Variants in ARHGEF3 observed in about 807,000 individuals in gnomAD.
ARHGEF3 encodes 59.8 kDA protein.
ARHGEF3 carries 28 observed loss-of-function variants against 63.2 expected under a neutral mutation model. That is an observed-to-expected ratio of 0.44 (90% CI 0.33 to 0.61). The LOEUF is 0.61. Among genes scored for constraint, ARHGEF3 ranks in the 20% least tolerant of loss-of-function variants. The pLI is 0.03. For synonymous variants in ARHGEF3, 266 were observed against 254.2 expected, an observed-to-expected ratio of 1.05 and a Z score of -0.44; for missense variants, 533 against 659.3, an observed-to-expected ratio of 0.81 and a Z score of 2.10.
upstream of ARHGEF3, among the ~76,000 whole-genome samples, chr3:56,806,846 T>TTG (rs34387601): frequency 0.42 from 64,253 of 151,914 alleles, 17,155 homozygotes; most frequent in Non-Finnish European, 0.57. Flanking sequence ...GGACAATGCT[T>TTG]TGTCCTATTA....
At chr3:57,053,266 G>A (rs1704754147) in intron 1 of ARHGEF3, among the ~76,000 whole-genome samples, 1 of 152,144 alleles carries the variant, frequency 6.6e-6, no homozygotes, top group Non-Finnish European at 1.5e-5. Flanking sequence ...AGCGCTCACT[G>A]CCAAAGGACA....
chr3:56,998,125 C>A (rs1333725713), intron 2 of ARHGEF3, among the ~76,000 whole-genome samples: 2 of 152,182 alleles, frequency 1.3e-5, no homozygotes, highest in Admixed American at 1.3e-4. Context: ...CTTCCCAGTG[C>A]CAAATTTTTA....
intron 2 of ARHGEF3, among the ~76,000 whole-genome samples, chr3:56,991,739 C>T (rs1350669914): frequency 3.3e-5 from 5 of 152,056 alleles, no homozygotes; most frequent in Admixed American, 6.6e-5. Context: ...CTCCGCCTCC[C>T]GAGTAGCTGG....
At chr3:56,893,182 AT>A (rs2041181394) in intron 3 of ARHGEF3, among the ~76,000 whole-genome samples, 1 of 151,372 alleles carries the variant, frequency 6.6e-6, no homozygotes, top group Admixed American at 6.6e-5. Flanking sequence ...TTTTTATTTT[AT>A]TTTATTTTTT....
intron 4 of ARHGEF3, among the ~76,000 whole-genome samples, chr3:56,863,984 G>C (rs1244234579): frequency 6.6e-6 from 1 of 152,122 alleles, no homozygotes; most frequent in African/African-American, 2.4e-5. Context: ...CTCAAGACCA[G>C]GCAGTAAAGA....
intron 3 of ARHGEF3, among the ~76,000 whole-genome samples, chr3:56,920,011 G>A (rs998326215): frequency 6.6e-6 from 1 of 152,092 alleles, no homozygotes; most frequent in African/African-American, 2.4e-5. Context: ...GAGAAGGATC[G>A]CTAACAATGG....
At chr3:57,065,160 AT>A (rs1460548317) in intron 1 of ARHGEF3, among the ~76,000 whole-genome samples, 43 of 152,194 alleles carry the variant, frequency 2.8e-4, no homozygotes, top group Non-Finnish European at 5.7e-4. Context: ...AAATGTTGAA[AT>A]TACTTGCAAA....
At chr3:56,825,493 C>T (rs1346479958) in intron 4 of ARHGEF3, among the ~76,000 whole-genome samples, 1 of 152,196 alleles carries the variant, frequency 6.6e-6, no homozygotes, top group East Asian at 1.9e-4. Context: ...ATGCCAATTA[C>T]ATGATGATAG....
intron 2 of ARHGEF3, among the ~76,000 whole-genome samples, chr3:57,016,472 C>CGG (rs1240829459): frequency 6.6e-6 from 1 of 151,918 alleles, no homozygotes; most frequent in Non-Finnish European, 1.5e-5. Context: ...TGCTTAAACC[C>CGG]GGGAGGCGGA....
chr3:56,947,160 C>A (rs528489949), intron 3 of ARHGEF3, among the ~76,000 whole-genome samples: 35 of 152,250 alleles, frequency 2.3e-4, no homozygotes, highest in African/African-American at 8.4e-4. Flanking sequence ...CCAGTACCAG[C>A]CACTGCAAAA....
chr3:56,743,265 T>C (rs75454256), intron 7 of ARHGEF3, among the ~76,000 whole-genome samples: 1,688 of 152,330 alleles, frequency 0.011, 31 homozygotes, highest in African/African-American at 0.038. Context: ...TTATTCTTCT[T>C]TTCTATCCTA....
chr3:56,737,427 A>C, intron 7 of ARHGEF3, 72 bp from the exon 8 acceptor site: 9 of 1,326,918 alleles, frequency 6.8e-6, no homozygotes, highest in Non-Finnish European at 8.4e-6. Flanking sequence ...TTAGGGGCTC[A>C]GCCTAGAAGG....
At chr3:57,049,446 A>G (rs547559959) in intron 1 of ARHGEF3, among the ~76,000 whole-genome samples, 1 of 152,208 alleles carries the variant, frequency 6.6e-6, no homozygotes, top group Non-Finnish European at 1.5e-5. Context: ...TCGAAACTGG[A>G]GCAGTCCAGC....
intron 2 of ARHGEF3, among the ~76,000 whole-genome samples, chr3:56,967,110 G>A (rs1311402991): frequency 1.4e-5 from 2 of 147,424 alleles, no homozygotes; most frequent in African/African-American, 5.0e-5. Context: ...TGATCTGCCT[G>A]CCTCGGCCTC....
rs563662698 is a variant in ARHGEF3 at position 56,924,968 on chromosome 3, C to G, written c.129+33855G>C. Reference sequence around the variant, plus strand: ...AGTCTCCTGCAGCTGAACCCCCTACCTGGCTAGCTTTGGGGAATTCCCCAA... The same window carrying G: ...AGTCTCCTGCAGCTGAACCCCCTACGTGGCTAGCTTTGGGGAATTCCCCAA... On this transcript the variant is annotated intron_variant, in intron 3 of 12. Transcript: ENST00000338458. 3.3e-5 allele frequency among the ~76,000 whole-genome samples: 5 copies of G among 152,356 alleles called. No individual in the cohort carries two copies. In the East Asian group the frequency reaches 9.6e-4, roughly 29 times the overall value.
At chr3:56,906,131 G>A (rs1273524787) in intron 3 of ARHGEF3, among the ~76,000 whole-genome samples, 1 of 151,924 alleles carries the variant, frequency 6.6e-6, no homozygotes, top group Non-Finnish European at 1.5e-5. Context: ...CCAAAGTGCT[G>A]GGATTACAGG....
chr3:56,845,931 C>T (rs142293866), intron 4 of ARHGEF3, among the ~76,000 whole-genome samples: 194 of 152,272 alleles, frequency 1.3e-3, no homozygotes, highest in Non-Finnish European at 2.3e-3. Context: ...TCCCCAGTGC[C>T]CAGCATAGTG....
chr3:56,759,793 G>A (rs1226081373), intron 2 of ARHGEF3, among the ~76,000 whole-genome samples: 6 of 152,064 alleles, frequency 3.9e-5, no homozygotes, highest in African/African-American at 9.7e-5. Flanking sequence ...AGATCCTCCC[G>A]CCTCAGCCTC....
At chr3:57,010,329 G>A (rs1702641569) in intron 2 of ARHGEF3, among the ~76,000 whole-genome samples, 1 of 151,984 alleles carries the variant, frequency 6.6e-6, no homozygotes, top group Non-Finnish European at 1.5e-5. Flanking sequence ...GGTGGCGGGT[G>A]CCTGTAGTCC....
Sources: gnomAD v4.1 joint callset for allele counts (sites outside exome capture counted in the v4.1 genomes callset) on GRCh38, gnomAD v4.1.1 for gene constraint, MANE v1.5 for transcripts, NCBI Gene and HGNC (gene_info 2026-07-23, HGNC 2026-07-21) for gene names.